AMD1: variants seen among roughly 807,000 people sequenced by gnomAD.
AMD1 encodes the protein S-adenosylmethionine decarboxylase proenzyme.
In AMD1, 11 loss-of-function variants were observed where a neutral mutation model predicts 40.2. The ratio of observed to expected loss-of-function variants is 0.27; its 90% CI spans 0.17 to 0.45. AMD1 has a LOEUF of 0.45. AMD1 is among the 20% of genes least tolerant of loss of function. The probability of loss-of-function intolerance (pLI) is 1.00; values close to 1 mark genes in which losing one functional copy is unlikely to be tolerated. For missense variants in AMD1, 257 were observed against 410.2 expected (o/e 0.63, Z 3.23); for synonymous variants, 121 against 130.8 (o/e 0.93, Z 0.51).
chr6:110,846,332 T>A, the AMD1 span, among the ~76,000 whole-genome samples: 1 of 152,176 alleles, frequency 6.6e-6, no homozygotes, highest in African/African-American at 2.4e-5. Context: ...AAAACATTAA[T>A]GAGGAAGACA....
rs1469663021 is a variant in AMD1, at chr6:110,888,902, A to G, written c.243A>G (p.Thr81=). The part of the protein sequence containing the change: ...FVSKRRFILK[T]CGTTLLLKAL... ...CCAAGAGACGTTTCATTTTGAAGAC[A>G]TGTGGTACCACCCTCTTGCTGAAAG... Residue 81 remains threonine, a synonymous_variant, in exon 3 of 9, where the codon ACA becomes ACG. Transcript: ENST00000368885. The G allele has an allele frequency of 1.9e-6, 3 of 1,613,354 alleles. No individual in the cohort carries two copies. Among genetic ancestry groups the G allele is most frequent in the African/African-American group, 1.3e-5 (1 of 74,932 alleles).
intron 1 of AMD1, among the ~76,000 whole-genome samples, chr6:110,879,846 G>A (rs1785309176): frequency 6.6e-6 from 1 of 152,166 alleles, no homozygotes; most frequent in Admixed American, 6.5e-5. Context: ...AAATTTGCAG[G>A]CATCATCCTC....
chr6:110,875,512 C>A (rs1170737612), intron 1 of AMD1: 1 of 292,768 alleles, frequency 3.4e-6, no homozygotes, highest in Admixed American at 5.3e-5. Context: ...GCGGGCGGCG[C>A]GGCCCGGGGT....
chr6:110,847,063 G>GTGGTGT, the AMD1 span, among the ~76,000 whole-genome samples: 36 of 143,280 alleles, frequency 2.5e-4, no homozygotes, highest in East Asian at 3.2e-3. Context: ...GTGTGTGTGT[G>GTGGTGT]GTGTGTGTGT....
At chr6:110,831,140 T>G in the AMD1 span, among the ~76,000 whole-genome samples, 1 of 152,078 alleles carries the variant, frequency 6.6e-6, no homozygotes, top group Non-Finnish European at 1.5e-5. Flanking sequence ...ATTTTTATTT[T>G]TTGAAATGTA....
chr6:110,851,594 C>T, the AMD1 span, among the ~76,000 whole-genome samples: 1 of 152,080 alleles, frequency 6.6e-6, no homozygotes, highest in Non-Finnish European at 1.5e-5. Context: ...TCCTGAGTGG[C>T]TGGGATTACA....
At chr6:110,855,761 A>G in the AMD1 span, among the ~76,000 whole-genome samples, 8 of 152,154 alleles carry the variant, frequency 5.3e-5, no homozygotes, top group Admixed American at 3.9e-4. Context: ...TTACAAGTAA[A>G]AGAAAGGTAT....
chr6:110,823,471 A>G, the AMD1 span, among the ~76,000 whole-genome samples: 1 of 152,210 alleles, frequency 6.6e-6, no homozygotes, highest in East Asian at 1.9e-4. Context: ...GTATACCTAG[A>G]AAACTCCAAA....
Position 110,895,463 on chromosome 6 carries a change from T to TG in AMD1, c.*1847_*1848insG, listed in dbSNP as rs1786252152. ...GGTTTGGTTTTGTTTTTGTTTTGTT[T>TG]TGTTTTGTTTTGTTTCCAATAGAAT... On this transcript the variant is annotated 3_prime_UTR_variant, in exon 9 of 9. Coordinates refer to ENST00000368885, the MANE Select transcript of AMD1 (RefSeq NM_001634.6). 2.0e-5 allele frequency: 3 copies of TG among 152,562 alleles called. No individual in the cohort carries two copies. The highest frequency in any genetic ancestry group is 7.2e-5 in the African/African-American group (3 of 41,438). The allele number at this position is 152,562 out of a possible 1,614,324, so 9.5% of individuals were successfully genotyped here.
the AMD1 span, among the ~76,000 whole-genome samples, chr6:110,852,028 A>G: frequency 6.6e-6 from 1 of 151,168 alleles, no homozygotes; most frequent in Non-Finnish European, 1.5e-5. Flanking sequence ...AACTCTAGCA[A>G]TCTTCTGTAA....
chr6:110,830,956 A>G, the AMD1 span, among the ~76,000 whole-genome samples: 7,807 of 152,074 alleles, frequency 0.051, 507 homozygotes, highest in East Asian at 0.36. Flanking sequence ...GCATTTCACT[A>G]TGTTGCCCAG....
chr6:110,817,617 A>G, the AMD1 span, among the ~76,000 whole-genome samples: 1 of 152,212 alleles, frequency 6.6e-6, no homozygotes, highest in East Asian at 1.9e-4. Flanking sequence ...TCAAAAAAAA[A>G]TGGTATCTTT....
At chr6:110,824,270 G>A in the AMD1 span, among the ~76,000 whole-genome samples, 4 of 152,154 alleles carry the variant, frequency 2.6e-5, no homozygotes, top group Non-Finnish European at 5.9e-5. Flanking sequence ...TGTCTTTTGA[G>A]GAACTTGGAT....
the AMD1 span, among the ~76,000 whole-genome samples, chr6:110,842,023 G>T: frequency 6.6e-6 from 1 of 151,976 alleles, no homozygotes; most frequent in South Asian, 2.1e-4. Context: ...GGCTGGTCTC[G>T]AAATTCTAAC....
chr6:110,859,695 C>A, the AMD1 span, among the ~76,000 whole-genome samples: 1 of 152,178 alleles, frequency 6.6e-6, no homozygotes, highest in African/African-American at 2.4e-5. Flanking sequence ...TCCCTAGAAC[C>A]AACAGACCTC....
At chr6:110,873,365 G>C (rs1784954769), upstream of AMD1, among the ~76,000 whole-genome samples, 1 of 152,168 alleles carries the variant, frequency 6.6e-6, no homozygotes, top group South Asian at 2.1e-4. Context: ...CTCCGTCTCA[G>C]ACAAACAAAA....
chr6:110,845,967 C>A, the AMD1 span, among the ~76,000 whole-genome samples: 3 of 152,148 alleles, frequency 2.0e-5, no homozygotes, highest in African/African-American at 7.2e-5. Flanking sequence ...TTAGGCCGGG[C>A]GTGATGGCTC....
the AMD1 span, among the ~76,000 whole-genome samples, chr6:110,854,413 A>G: frequency 6.6e-6 from 1 of 152,102 alleles, no homozygotes; most frequent in East Asian, 1.9e-4. Flanking sequence ...AAAACAAATG[A>G]GTACAAAGGA....
At chr6:110,859,173 A>C in the AMD1 span, 3 of 1,003,848 alleles carry the variant, frequency 3.0e-6, no homozygotes, top group East Asian at 2.5e-5. Context: ...CTCTCCCCAT[A>C]TCATCTCCCC....
Sources: gnomAD v4.1 joint callset for allele counts (sites outside exome capture counted in the v4.1 genomes callset) on GRCh38, gnomAD v4.1.1 for gene constraint, MANE v1.5 for transcripts, NCBI Gene and HGNC (gene_info 2026-07-23, HGNC 2026-07-21) for gene names.